SCLT1: variants seen among roughly 807,000 people sequenced by gnomAD.
The protein encoded by SCLT1 is sodium channel-associated protein 1.
A neutral mutation model predicts 112.8 loss-of-function variants in SCLT1; 78 were observed. The ratio of observed to expected loss-of-function variants is 0.69; its 90% confidence interval spans 0.58 to 0.83. The LOEUF is 0.83. SCLT1 is among the 40% of genes least tolerant of loss of function. SCLT1 has a pLI of 0.00. For missense variants in SCLT1, 747 were observed against 770.4 expected (o/e 0.97, Z 0.36); for synonymous variants, 257 against 254.7 (o/e 1.01, Z -0.09).
intron 18 of SCLT1, among the ~76,000 whole-genome samples, chr4:128,900,030 AC>A (rs1734135978): frequency 6.6e-6 from 1 of 152,218 alleles, no homozygotes; most frequent in Non-Finnish European, 1.5e-5. Flanking sequence ...AAAAGAGGAT[AC>A]AAACAAATGG....
intron 9 of SCLT1, among the ~76,000 whole-genome samples, chr4:128,977,008 A>G (rs1268728107): frequency 6.6e-6 from 1 of 152,170 alleles, no homozygotes; most frequent in African/African-American, 2.4e-5. Context: ...CACTTTAGAA[A>G]TTTAAACCTG....
chr4:128,891,603 C>T (rs1221901741), intron 18 of SCLT1, among the ~76,000 whole-genome samples: 1 of 148,154 alleles, frequency 6.7e-6, no homozygotes, highest in Non-Finnish European at 1.5e-5. Context: ...TTTATTATTA[C>T]AAAATCTTGT....
intron 5 of SCLT1, among the ~76,000 whole-genome samples, chr4:129,012,787 T>TC (rs1228623650): frequency 5.4e-5 from 1 of 18,422 alleles, no homozygotes; most frequent in Non-Finnish European, 8.1e-4. Flanking sequence ...ATGCCATTTC[T>TC]TTTTTTTTTT....
intron 2 of SCLT1, among the ~76,000 whole-genome samples, chr4:129,074,555 C>T (rs1033064785): frequency 1.8e-4 from 28 of 152,048 alleles, no homozygotes; most frequent in Admixed American, 5.2e-4. Flanking sequence ...GAGAATAAGA[C>T]TGAAATTGCC....
At chr4:128,896,929 G>T (rs889848452) in intron 18 of SCLT1, among the ~76,000 whole-genome samples, 1 of 152,140 alleles carries the variant, frequency 6.6e-6, no homozygotes, top group Non-Finnish European at 1.5e-5. Context: ...TATCAGTGAT[G>T]GAAGATCAAA....
chr4:128,997,972 A>AACAAAAT, intron 7 of SCLT1, 33 bp from the exon 8 acceptor site: 1 of 1,152,344 alleles, frequency 8.7e-7, no homozygotes, highest in Non-Finnish European at 1.2e-6. Flanking sequence ...GTATATAAAT[A>AACAAAAT]GCATTTTGTT....
intron 2 of SCLT1, among the ~76,000 whole-genome samples, chr4:129,057,409 C>A (rs911632774): frequency 1.5e-5 from 2 of 132,604 alleles, no homozygotes; most frequent in East Asian, 2.2e-4. Context: ...TAATATTATT[C>A]TTTTTTTTTT....
rs535222040 is a variant in SCLT1 at position 129,048,013 on chromosome 4, C to T, written c.103-3962G>A. 9.2e-5 allele frequency among the ~76,000 whole-genome samples: 14 copies of T among 152,164 alleles called. No homozygotes were observed. The South Asian group carries it at 2.7e-3, about 29-fold the overall frequency. Reference sequence around the variant, plus strand: ...ATATAATCCCATTTGTCTATATTTGCCTTTCTTGCTTATGCCTTTGAGGTC... The same window carrying T: ...ATATAATCCCATTTGTCTATATTTGTCTTTCTTGCTTATGCCTTTGAGGTC... On this transcript the variant is annotated intron_variant, in intron 2 of 20. Transcript: ENST00000281142.
chr4:128,902,143 A>G (rs7665802), intron 18 of SCLT1, among the ~76,000 whole-genome samples: 110,475 of 151,942 alleles, frequency 0.73, 40,482 homozygotes, highest in African/African-American at 0.82. Flanking sequence ...GGGCTCAAGC[A>G]AGCCTCCCAC....
At chr4:128,949,913 G>A (rs1208349417) in intron 14 of SCLT1, among the ~76,000 whole-genome samples, 19 of 149,686 alleles carry the variant, frequency 1.3e-4, no homozygotes, top group Non-Finnish European at 1.9e-4. Context: ...TGTACACTAC[G>A]TACTAATGAT....
chr4:128,888,649 A>T, intron 20 of SCLT1, 30 bp downstream of exon 20: 1 of 1,318,956 alleles, frequency 7.6e-7, no homozygotes, highest in East Asian at 2.3e-5. Flanking sequence ...TGAACTGTTT[A>T]TTATCTAGGG....
At chr4:128,888,922 A>AGCTTT (rs1733097747) in intron 19 of SCLT1, 148 bp from the exon 20 acceptor site, 2 of 454,652 alleles carry the variant, frequency 4.4e-6, no homozygotes, top group Non-Finnish European at 3.9e-6. Flanking sequence ...TCAAGTTATG[A>AGCTTT]GCTTTAAAAT....
intron 5 of SCLT1, 91 bp from the exon 6 acceptor site, chr4:129,003,967 T>A: frequency 8.9e-7 from 1 of 1,127,420 alleles, no homozygotes; most frequent in Non-Finnish European, 1.3e-6. Flanking sequence ...GGGTCAACAA[T>A]AACTCTTTAA....
chr4:128,997,573 G>A, intron 8 of SCLT1, among the ~76,000 whole-genome samples: 1 of 151,592 alleles, frequency 6.6e-6, no homozygotes, highest in Admixed American at 6.6e-5. Flanking sequence ...AGTGTGTCAG[G>A]TGAAATAAAA....
rs574338212 is a variant in SCLT1 at position 128,930,547 on chromosome 4, G to C, written c.1829+6108C>G. 9.9e-5 allele frequency among the ~76,000 whole-genome samples: 15 copies of C among 152,258 alleles called. No individual in the cohort carries two copies. The South Asian group carries it at 1.0e-3, about 11-fold the overall frequency. On this transcript the variant is annotated intron_variant, in intron 18 of 20. Transcript: ENST00000281142. ...GAAATAGGTAACTAATGCAGTTCTA[G>C]AGTCACGGAAGTGGGAATGAAAAGA...
At chr4:128,956,572 A>G (rs1739230887) in intron 13 of SCLT1, among the ~76,000 whole-genome samples, 1 of 152,144 alleles carries the variant, frequency 6.6e-6, no homozygotes, top group African/African-American at 2.4e-5. Context: ...ATAGATTTCT[A>G]AGAAATACTT....
rs567550209 is a variant in SCLT1, at chr4:129,056,670, T to C, written c.103-12619A>G. 3.9e-5 allele frequency among the ~76,000 whole-genome samples: 6 copies of C among 152,340 alleles called. No homozygotes were observed. In the East Asian group the frequency reaches 1.2e-3, roughly 29 times the overall value. ...TAGTGTATAGAAACAATACTAACTT[T>C]TGCATGTTGATTTTGTATTCTGCAA... On this transcript the variant is annotated intron_variant, in intron 2 of 20. Coordinates refer to ENST00000281142, the MANE Select transcript of SCLT1 (RefSeq NM_144643.4).
At chr4:129,075,046 T>C (rs557600828) in intron 2 of SCLT1, among the ~76,000 whole-genome samples, 2 of 152,280 alleles carry the variant, frequency 1.3e-5, no homozygotes, top group South Asian at 2.1e-4. Context: ...ATAATGCTGA[T>C]GGTGTATCAC....
At chr4:129,012,285 A>G (rs1744599483) in intron 5 of SCLT1, among the ~76,000 whole-genome samples, 1 of 152,164 alleles carries the variant, frequency 6.6e-6, no homozygotes. Context: ...TTCATTATTT[A>G]CCCAAACGTC....
Sources: allele counts gnomAD v4.1 joint callset (sites outside exome capture counted in the v4.1 genomes callset), GRCh38; gene constraint gnomAD v4.1.1; transcripts MANE v1.5; gene names NCBI Gene and HGNC (gene_info 2026-07-23, HGNC 2026-07-21).